PLD5: variants seen among roughly 807,000 people sequenced by gnomAD.
PLD5 encodes the protein inactive phospholipase D5.
PLD5 carries 36 observed loss-of-function variants against 61.1 expected under a neutral mutation model. The observed-to-expected ratio is 0.59, with a 90% CI of 0.45 to 0.78. PLD5 has a LOEUF of 0.78. PLD5 is among the 30% of genes least tolerant of loss of function. PLD5 has a pLI of 0.00. For synonymous variants in PLD5, 243 were observed against 242.8 expected (o/e 1.00, Z -0.01); for missense variants, 515 against 644.4 (o/e 0.80, Z 2.17).
At chr1:242,354,854 AAGTGT>A in intron 1 of PLD5, among the ~76,000 whole-genome samples, 1 of 151,752 alleles carries the variant, frequency 6.6e-6, no homozygotes, top group East Asian at 1.9e-4. Context: ...AAATTTTGTG[AAGTGT>A]TTCTTTCTGC....
chr1:242,235,599 T>C (rs1671589152), intron 4 of PLD5: 1 of 152,198 alleles, frequency 6.6e-6, no homozygotes, highest in Non-Finnish European at 1.5e-5. Flanking sequence ...GTCTGTATGT[T>C]ATAAAGGAGA....
intron 1 of PLD5, among the ~76,000 whole-genome samples, chr1:242,492,892 C>T (rs897429894): frequency 6.6e-6 from 1 of 152,076 alleles, no homozygotes; most frequent in African/African-American, 2.4e-5. Flanking sequence ...ATGAGAGTGC[C>T]ACCCTCATGA....
intron 5 of PLD5, among the ~76,000 whole-genome samples, chr1:242,186,941 T>C (rs1252231615): frequency 2.0e-5 from 3 of 152,230 alleles, no homozygotes; most frequent in Non-Finnish European, 4.4e-5. Flanking sequence ...CATCGTGAGA[T>C]AGGTAGCTTC....
chr1:242,392,767 G>T (rs1663009079), intron 1 of PLD5, among the ~76,000 whole-genome samples: 1 of 152,162 alleles, frequency 6.6e-6, no homozygotes, highest in South Asian at 2.1e-4. Context: ...GAAATAAGCA[G>T]TCACCTTGGG....
chr1:242,214,871 C>CTTTTTTTTT lies in PLD5; in HGVS notation c.735+5108_735+5116dup, dbSNP rs71570942. Among the ~76,000 whole-genome samples the CTTTTTTTTT allele has an allele frequency of 4.0e-4, 37 of 92,482 alleles. 1 individual carries two copies. The highest frequency in any genetic ancestry group is 6.6e-4 in the East Asian group (2 of 3,014). 60.7% of individuals were successfully genotyped at this position (92,482 alleles called of 152,430 possible). On this transcript the variant is annotated intron_variant, in intron 5 of 9. Transcript: ENST00000536534. Reference sequence around the variant, plus strand: ...GTCCACTCGATATGTCATTAAACACCTTTTTTTTTTTTTTTTTTTTTTTGA... The same window carrying CTTTTTTTTT: ...GTCCACTCGATATGTCATTAAACACCTTTTTTTTTTTTTTTTTTTTTTTTTTTTTTTTGA...
At chr1:242,351,945 G>A (rs1251222109) in intron 1 of PLD5, among the ~76,000 whole-genome samples, 1 of 151,990 alleles carries the variant, frequency 6.6e-6, no homozygotes, top group Non-Finnish European at 1.5e-5. Context: ...TTTTTTAAAA[G>A]TTTATATTTT....
chr1:242,158,046 C>T (rs140959308), intron 5 of PLD5, among the ~76,000 whole-genome samples: 2 of 152,328 alleles, frequency 1.3e-5, no homozygotes, highest in East Asian at 3.9e-4. Flanking sequence ...AGCGGCCTTC[C>T]TGAGCTCTGG....
intron 1 of PLD5, among the ~76,000 whole-genome samples, chr1:242,390,852 T>C (rs1662884793): frequency 6.6e-6 from 1 of 151,072 alleles, no homozygotes; most frequent in South Asian, 2.1e-4. Context: ...GATTAAGACC[T>C]AAAATGACAA....
At chr1:242,328,347 A>G (rs1436699086) in intron 2 of PLD5, among the ~76,000 whole-genome samples, 2 of 152,090 alleles carry the variant, frequency 1.3e-5, no homozygotes, top group Non-Finnish European at 2.9e-5. Context: ...CGTGTGTTCT[A>G]CATGTGTGTT....
chr1:242,163,530 A>G (rs1167060956), intron 5 of PLD5, among the ~76,000 whole-genome samples: 1 of 152,158 alleles, frequency 6.6e-6, no homozygotes, highest in African/African-American at 2.4e-5. Context: ...AGAACAAGAG[A>G]GGGACGGAAG....
chr1:242,360,127 T>G (rs1215388893), intron 1 of PLD5, among the ~76,000 whole-genome samples: 2 of 152,124 alleles, frequency 1.3e-5, no homozygotes, highest in South Asian at 4.1e-4. Context: ...AAACATACAT[T>G]GCTGGGCCCC....
intron 5 of PLD5, chr1:242,147,406 A>T (rs1398004358): frequency 6.6e-6 from 1 of 152,226 alleles, no homozygotes; most frequent in Non-Finnish European, 1.5e-5. Context: ...TTGTTTATCC[A>T]TTCTCCAGTT....
At chr1:242,128,316 GA>G (rs10677359) in intron 5 of PLD5, among the ~76,000 whole-genome samples, 50 of 146,360 alleles carry the variant, frequency 3.4e-4, no homozygotes, top group African/African-American at 4.8e-4. Flanking sequence ...AGGAAAGAAA[GA>G]AAAAAAAAAA....
chr1:242,462,119 T>C (rs1297280008), intron 1 of PLD5, among the ~76,000 whole-genome samples: 1 of 152,208 alleles, frequency 6.6e-6, no homozygotes, highest in African/African-American at 2.4e-5. Flanking sequence ...CAATTGCTTT[T>C]GAGGGCTTTG....
intron 1 of PLD5, among the ~76,000 whole-genome samples, chr1:242,494,886 T>A (rs1668317320): frequency 6.6e-6 from 1 of 150,572 alleles, no homozygotes; most frequent in Non-Finnish European, 1.5e-5. Context: ...TTCTGTTTTT[T>A]TTTTTTTGCT....
intron 5 of PLD5, among the ~76,000 whole-genome samples, chr1:242,213,571 T>A (rs561614880): frequency 9.2e-5 from 14 of 152,030 alleles, no homozygotes; most frequent in African/African-American, 3.1e-4. Context: ...TTAAATATTA[T>A]CAGAAATTAC....
intron 5 of PLD5, among the ~76,000 whole-genome samples, chr1:242,154,090 A>G (rs2148824388): frequency 6.6e-6 from 1 of 152,218 alleles, no homozygotes; most frequent in East Asian, 1.9e-4. Context: ...ATTCCCAGGT[A>G]TTTAATTCTC....
chr1:242,198,679 C>T (rs1668790684), intron 5 of PLD5, among the ~76,000 whole-genome samples: 1 of 118,884 alleles, frequency 8.4e-6, no homozygotes, highest in African/African-American at 3.4e-5. Context: ...CAAGTTACCA[C>T]TGGATTCTGA....
chr1:242,272,540 T>G (rs1057246278), intron 3 of PLD5, among the ~76,000 whole-genome samples: 4 of 152,210 alleles, frequency 2.6e-5, no homozygotes, highest in Non-Finnish European at 5.9e-5. Flanking sequence ...TCTATAGGCT[T>G]CATTCTCAGC....
Sources: gnomAD v4.1 joint callset for allele counts (sites outside exome capture counted in the v4.1 genomes callset) on GRCh38, gnomAD v4.1.1 for gene constraint, MANE v1.5 for transcripts, NCBI Gene and HGNC (gene_info 2026-07-23, HGNC 2026-07-21) for gene names.